The following MED27 variants were observed in gnomAD, a reference collection of about 807,000 sequenced individuals.
The protein encoded by MED27 is mediator of RNA polymerase II transcription subunit 27.
A neutral mutation model predicts 38.2 loss-of-function variants in MED27; 30 were observed. The ratio of observed to expected loss-of-function variants is 0.79; its 90% CI spans 0.59 to 1.07. MED27 has a LOEUF of 1.07. Among genes scored for constraint, MED27 ranks in the 50% least tolerant of loss-of-function variants. The pLI is 0.00. For missense variants in MED27, 289 were observed against 397.5 expected, an observed-to-expected ratio of 0.73 and a Z score of 2.32; for synonymous variants, 122 against 153.5, an observed-to-expected ratio of 0.79 and a Z score of 1.52.
At chr9:131,893,832 C>T (rs1829768936) in intron 5 of MED27, 53 bp downstream of exon 5, 7 of 1,309,884 alleles carry the variant, frequency 5.3e-6, no homozygotes, top group Non-Finnish European at 7.7e-6. Flanking sequence ...TTCGACTACA[C>T]TTGTTCTGGG....
chr9:132,075,197 C>G lies in MED27; in HGVS notation c.348+2245G>C, dbSNP rs150497683. 2.0e-5 allele frequency among the ~76,000 whole-genome samples: 3 copies of G among 152,264 alleles called. No individual in the cohort carries two copies. The East Asian group carries it at 5.8e-4, about 29-fold the overall frequency. The stretch of plus-strand genomic sequence containing the variant: ...AACCTTAAGCAAAACTGGACTAAAA[C>G]ATCAAGTTTTAGAGGAAAGAACATT... On this transcript the variant is annotated intron_variant, in intron 2 of 7. Coordinates refer to ENST00000292035, the MANE Select transcript of MED27 (RefSeq NM_004269.4).
At chr9:132,013,377 T>C (rs1199468670) in intron 3 of MED27, among the ~76,000 whole-genome samples, 1 of 152,232 alleles carries the variant, frequency 6.6e-6, no homozygotes, top group South Asian at 2.1e-4. Flanking sequence ...CAATATTAAC[T>C]GTTTAAAGAA....
At chr9:131,885,415 T>C (rs943639849) in intron 5 of MED27, among the ~76,000 whole-genome samples, 21 of 152,332 alleles carry the variant, frequency 1.4e-4, no homozygotes, top group East Asian at 1.9e-4. Flanking sequence ...CCCTAGAGTA[T>C]TGAATCAATG....
intron 3 of MED27, among the ~76,000 whole-genome samples, chr9:131,955,708 T>C (rs1236656639): frequency 2.0e-5 from 3 of 152,202 alleles, no homozygotes; most frequent in Non-Finnish European, 4.4e-5. Context: ...TAAAAAGCTT[T>C]ACATCTATTT....
rs139941792 is a variant in MED27 at position 132,064,870 on chromosome 9, G to A, written c.348+12572C>T. ...GGACTGGTAAGCTGAGGCATTTAAG[G>A]CCACTGGTTAAGGAAAAAATAAAAC... On this transcript the variant is annotated intron_variant, in intron 2 of 7. Transcript: ENST00000292035. Among the ~76,000 whole-genome samples the A allele has an allele frequency of 5.9e-5, 9 of 152,272 alleles. No homozygotes were observed. The East Asian group carries it at 1.7e-3, about 29-fold the overall frequency.
chr9:131,960,947 C>A (rs1205549209), intron 3 of MED27, among the ~76,000 whole-genome samples: 1 of 152,154 alleles, frequency 6.6e-6, no homozygotes, highest in Non-Finnish European at 1.5e-5. Flanking sequence ...GGGAAGAATG[C>A]TAGCAGAGGA....
chr9:132,033,967 G>A (rs1833019253), intron 2 of MED27, among the ~76,000 whole-genome samples: 1 of 152,140 alleles, frequency 6.6e-6, no homozygotes, highest in Admixed American at 6.5e-5. Flanking sequence ...GCCAGGTGAG[G>A]CTCTTATGTT....
chr9:131,862,322 G>T lies in MED27; in HGVS notation c.801+741C>A, dbSNP rs577075860. Among the ~76,000 whole-genome samples, 1 of 152,208 alleles carries T rather than the reference G, an allele frequency of 6.6e-6. No homozygotes were observed. Among genetic ancestry groups the T allele is most frequent in the African/African-American group, 2.4e-5 (1 of 41,446 alleles). On this transcript the variant is annotated intron_variant, in intron 7 of 7. Transcript: ENST00000292035. This position sits in a 1 kb window ranked among gnomAD's most constrained non-coding sequence, Gnocchi z 4.6. ...AGTCCCAGCAGCGGTGGATGATGGG[G>T]TCTGCTGGCGTGAGAGCATGCGGCC...
intron 6 of MED27, among the ~76,000 whole-genome samples, chr9:131,879,721 C>A (rs906604662): frequency 1.3e-5 from 2 of 152,218 alleles, no homozygotes; most frequent in Non-Finnish European, 2.9e-5. Context: ...GAACGAACCC[C>A]ACCCTCGCCA....
chr9:132,030,080 G>A (rs1235117000), intron 2 of MED27, among the ~76,000 whole-genome samples: 1 of 152,220 alleles, frequency 6.6e-6, no homozygotes, highest in African/African-American at 2.4e-5. Flanking sequence ...CAAAGACAGG[G>A]AGGGATGTGA....
At chr9:131,956,741 C>G (rs1386148830) in intron 3 of MED27, among the ~76,000 whole-genome samples, 1 of 151,290 alleles carries the variant, frequency 6.6e-6, no homozygotes, top group Non-Finnish European at 1.5e-5. Context: ...TGTAACTTAC[C>G]ATATTAAAAT....
Position 132,016,821 on chromosome 9 carries a change from G to C in MED27, c.349-2354C>G, listed in dbSNP as rs146388698. On this transcript the variant is annotated intron_variant, in intron 2 of 7. Coordinates refer to ENST00000292035, the MANE Select transcript of MED27 (RefSeq NM_004269.4). ...GTGGCAGGGTGATTTTGCCCACCCG[G>C]CATCATTTTGATCATTTGCTCAAAC... Among the ~76,000 whole-genome samples the C allele has an allele frequency of 1.2e-3, 185 of 152,308 alleles. 4 individuals carry two copies. In the East Asian group the frequency reaches 0.021, roughly 17 times the overall value.
At position 132,050,045 on chromosome 9, in the gene MED27, T is replaced by C. The variant is rs182114934; in HGVS notation, c.348+27397A>G. ...CATGGGATGGGCCTGATCATACTTA[T>C]TACCAACTCAACAAATATCAGGGCG... On this transcript the variant is annotated intron_variant, in intron 2 of 7. Coordinates refer to ENST00000292035, the MANE Select transcript of MED27 (RefSeq NM_004269.4). Among the ~76,000 whole-genome samples the C allele has an allele frequency of 4.5e-4, 69 of 152,272 alleles. No individual in the cohort carries two copies. In the East Asian group the frequency reaches 0.012, roughly 26 times the overall value.
intron 3 of MED27, among the ~76,000 whole-genome samples, chr9:131,968,587 A>G (rs1831408161): frequency 6.6e-6 from 1 of 152,000 alleles, no homozygotes; most frequent in Non-Finnish European, 1.5e-5. Context: ...AGGTTGCATC[A>G]TTACTAAGGG....
intron 4 of MED27, among the ~76,000 whole-genome samples, chr9:131,907,220 CCCACGGTCTCCCTCTCCCTCTCTTT>C (rs1175026489): frequency 1.3e-5 from 2 of 151,766 alleles, no homozygotes; most frequent in East Asian, 1.9e-4. Context: ...TCTCCCTCTC[CCCACGGTCTCCCTCTCCCTCTCTTT>C]CCACGGTCTC....
intron 4 of MED27, among the ~76,000 whole-genome samples, chr9:131,918,840 A>G (rs887171304): frequency 6.6e-6 from 1 of 152,248 alleles, no homozygotes; most frequent in Non-Finnish European, 1.5e-5. Flanking sequence ...CTGGACCTGC[A>G]GGTCAGCAGA....
intron 2 of MED27, among the ~76,000 whole-genome samples, chr9:132,046,735 A>G (rs1458644994): frequency 3.9e-5 from 6 of 152,196 alleles, no homozygotes; most frequent in Non-Finnish European, 5.9e-5. Context: ...CTTTCCAGTT[A>G]AAGGAACAGT....
chr9:131,998,315 T>C (rs768278417), intron 3 of MED27, among the ~76,000 whole-genome samples: 1 of 151,660 alleles, frequency 6.6e-6, no homozygotes, highest in Non-Finnish European at 1.5e-5. Flanking sequence ...CATTGGTCAC[T>C]TCCTATCCTC....
At chr9:132,025,968 T>A (rs1025342551) in intron 2 of MED27, among the ~76,000 whole-genome samples, 1 of 152,190 alleles carries the variant, frequency 6.6e-6, no homozygotes, top group East Asian at 1.9e-4. Context: ...AAAACAAGTC[T>A]GTTCCTGTGG....
Sources: gnomAD v4.1 joint callset for allele counts (sites outside exome capture counted in the v4.1 genomes callset) on GRCh38, gnomAD v4.1.1 for gene constraint, Gnocchi (gnomAD v3.1) non-coding constraint, MANE v1.5 for transcripts, NCBI Gene and HGNC (gene_info 2026-07-23, HGNC 2026-07-21) for gene names.